Variants in SPON2 observed in about 807,000 individuals in gnomAD.
SPON2 encodes the protein spondin 2, also known as spondin-2.
In SPON2, 32 loss-of-function variants were observed where a neutral mutation model predicts 29.9. That is an observed-to-expected ratio of 1.07 (90% CI 0.81 to 1.44). The LOEUF is 1.44. Ranked by LOEUF, SPON2 falls within the 40% of genes most tolerant of loss-of-function variation. SPON2 has a pLI of 0.00. For missense variants in SPON2, 541 were observed against 455.5 expected (o/e 1.19, Z -1.71); for synonymous variants, 248 against 209.1 (o/e 1.19, Z -1.61).
At chr4:1,183,110 G>A (rs1263064043) in intron 1 of SPON2, among the ~76,000 whole-genome samples, 1 of 152,002 alleles carries the variant, frequency 6.6e-6, no homozygotes, top group Non-Finnish European at 1.5e-5. Flanking sequence ...GTGTGGTGGT[G>A]CATGCCTGTA....
intron 1 of SPON2, among the ~76,000 whole-genome samples, chr4:1,185,372 G>A (rs1459846733): frequency 6.6e-6 from 1 of 150,446 alleles, no homozygotes; most frequent in Non-Finnish European, 1.5e-5. Flanking sequence ...CACCATGCCC[G>A]GCCAGAATAG....
intron 1 of SPON2, among the ~76,000 whole-genome samples, chr4:1,207,643 C>T (rs959891887): frequency 6.9e-6 from 1 of 144,564 alleles, no homozygotes; most frequent in African/African-American, 2.6e-5. Context: ...CCAGAGGGTC[C>T]GGCTGCCTAA....
chr4:1,187,898 T>C (rs1727834633), intron 1 of SPON2, among the ~76,000 whole-genome samples: 1 of 152,106 alleles, frequency 6.6e-6, no homozygotes, highest in Admixed American at 6.6e-5. Flanking sequence ...CAATTTTTTA[T>C]TGTAATAAAA....
At position 1,170,355 on chromosome 4, in the gene SPON2, A is replaced by T. The variant is rs774628941; in HGVS notation, c.811+47T>A. On this transcript the variant is annotated intron_variant, in intron 5 of 5. Transcript: ENST00000290902. ...TCGGGTTTGGTGGTCGCCCTGTGGC[A>T]GGGTTCGGGGCTGCTGTGTGTCCCA... 1.9e-6 allele frequency: 3 copies of T among 1,569,868 alleles called. No homozygotes were observed. In the African/African-American group the frequency reaches 4.1e-5, roughly 22 times the overall value.
chr4:1,167,390 G>C lies in SPON2; in HGVS notation c.*82C>G. ...GCAGCGCGAAACCCCCTGTGCCCTC[G>C]GCCGCCTGCAGCATGAGCCTGCACA... On this transcript the variant is annotated 3_prime_UTR_variant, in exon 6 of 6. Coordinates refer to ENST00000290902, the MANE Select transcript of SPON2 (RefSeq NM_012445.4). 1 of 1,431,024 alleles carries C rather than the reference G, an allele frequency of 7.0e-7. No homozygotes were observed. Among genetic ancestry groups the C allele is most frequent in the Non-Finnish European group, 9.5e-7 (1 of 1,054,154 alleles). 88.6% of individuals were successfully genotyped at this position (1,431,024 alleles called of 1,614,324 possible).
At chr4:1,200,863 C>G in intron 1 of SPON2, 1 of 456,754 alleles carries the variant, frequency 2.2e-6, no homozygotes, top group South Asian at 1.5e-5. Flanking sequence ...CTCAATGCCA[C>G]CAACCAGGCC....
At chr4:1,177,802 C>T (rs143710463), upstream of SPON2, among the ~76,000 whole-genome samples, 101 of 152,288 alleles carry the variant, frequency 6.6e-4, no homozygotes, top group Non-Finnish European at 7.1e-4. Flanking sequence ...CAGCATGGAG[C>T]TCCTGGCCAC....
In SPON2 at chr4:1,171,162, C is replaced by A; in HGVS notation, c.473G>T (p.Ser158Ile). Residue 158 changes from serine (S) to isoleucine (I), a missense_variant, in exon 4 of 6, where the codon AGC becomes ATC. Physicochemically the swap from Ser to Ile is moderately radical, Grantham distance 142. Transcript: ENST00000290902. Reference protein sequence around the residue: ...LVSFVVRIVPSPDWFVGVDSL... With the variant: ...LVSFVVRIVPIPDWFVGVDSL... ...GTCCACGCCCACGAACCAGTCGGGG[C>A]TGGGCACGATGCGCACCACAAACGA... is the stretch of plus-strand genomic sequence containing the variant. The A allele has an allele frequency of 6.5e-7, 1 of 1,550,374 alleles. No homozygotes were observed.
At chr4:1,169,641 T>C (rs1281164534) in intron 5 of SPON2, 1 of 152,164 alleles carries the variant, frequency 6.6e-6, no homozygotes, top group Non-Finnish European at 1.5e-5. Flanking sequence ...GCCAGCAACA[T>C]GGAGGGTGGA....
In SPON2 at chr4:1,167,587, CCACAGTGGCCTCCG is replaced by C; in HGVS notation, c.867_880del (p.Cys289TrpfsTer31). 2 of 1,613,552 alleles carry C rather than the reference CCACAGTGGCCTCCG, an allele frequency of 1.2e-6. No individual in the cohort carries two copies. Among genetic ancestry groups the C allele is most frequent in the Non-Finnish European group, 1.7e-6 (2 of 1,179,974 alleles). ...AGTCCTGCTCTTGGTCCCGAGCCTC[CCACAGTGGCCTCCG>C]CACAGTCCCCAGGACGACCACAGGG... is the stretch of plus-strand genomic sequence containing the variant. On this transcript the variant is annotated frameshift_variant, in exon 6 of 6. Coordinates refer to ENST00000290902, the MANE Select transcript of SPON2 (RefSeq NM_012445.4). LOFTEE classifies it high-confidence loss of function.
intron 1 of SPON2, among the ~76,000 whole-genome samples, chr4:1,188,100 A>G (rs1051985536): frequency 1.3e-5 from 2 of 150,618 alleles, no homozygotes; most frequent in African/African-American, 4.9e-5. Flanking sequence ...AATCCCAGCT[A>G]CTCAGGAGGC....
chr4:1,200,724 G>C lies in SPON2; in HGVS notation c.-234+7156C>G, dbSNP rs368776247. 1.2e-3 allele frequency: 524 copies of C among 436,792 alleles called. 2 individuals carry two copies. Among genetic ancestry groups the C allele is most frequent in the African/African-American group, 9.2e-3 (461 of 49,886 alleles). The allele number at this position is 436,792 out of a possible 1,614,324, so 27.1% of individuals were successfully genotyped here. ...CCCATCTGCGTGGACATCGCTGGAC[G>C]GGGTGGTAAGGGGGAGGGGAGCAGC... On this transcript the variant is annotated intron_variant, in intron 1 of 3. Coordinates refer to the SPON2 transcript ENST00000509233.
At chr4:1,190,096 A>G (rs1033362080) in intron 1 of SPON2, among the ~76,000 whole-genome samples, 3 of 152,108 alleles carry the variant, frequency 2.0e-5, no homozygotes, top group Admixed American at 2.0e-4. Context: ...AATGAAATAG[A>G]AGACATTACT....
At chr4:1,190,842 C>T (rs1001664089) in intron 1 of SPON2, among the ~76,000 whole-genome samples, 5 of 152,170 alleles carry the variant, frequency 3.3e-5, no homozygotes, top group South Asian at 4.1e-4. Flanking sequence ...ATTAAGAAAA[C>T]GATTCCATTT....
chr4:1,189,466 G>A (rs1727862333), intron 1 of SPON2, among the ~76,000 whole-genome samples: 5 of 150,950 alleles, frequency 3.3e-5, no homozygotes, highest in South Asian at 2.1e-4. Context: ...AGACCAGCAG[G>A]GGCAAACGGT....
rs1281801179 is a variant in SPON2 at position 1,202,064 on chromosome 4, C to G, written c.-234+5816G>C. 6.6e-6 allele frequency among the ~76,000 whole-genome samples: 1 copy of G among 152,228 alleles called. No individual in the cohort carries two copies. Among genetic ancestry groups the G allele is most frequent in the Admixed American group, 6.5e-5 (1 of 15,292 alleles). ...TCATCTCACTCCGGAACACGTTCAT[C>G]ATCCGCAGAAGACGTCCTGTGCCTG... On this transcript the variant is annotated intron_variant, in intron 1 of 3. Coordinates refer to the SPON2 transcript ENST00000509233. This position sits in a 1 kb window ranked among gnomAD's most constrained non-coding sequence, Gnocchi z 5.4.
At chr4:1,171,763 C>T in intron 2 of SPON2, 89 bp downstream of exon 2, 1 of 966,802 alleles carries the variant, frequency 1.0e-6, no homozygotes, top group South Asian at 1.3e-5. Flanking sequence ...ACGCCCCAGA[C>T]TGGGAAGCGC....
chr4:1,206,172 G>C (rs2108684803), intron 1 of SPON2, among the ~76,000 whole-genome samples: 1 of 152,322 alleles, frequency 6.6e-6, no homozygotes, highest in East Asian at 1.9e-4. Flanking sequence ...TGAACAGGAG[G>C]ATGCCCCCCT....
chr4:1,196,338 A>G (rs568993431), upstream of SPON2, among the ~76,000 whole-genome samples: 1 of 152,238 alleles, frequency 6.6e-6, no homozygotes, highest in African/African-American at 2.4e-5. Flanking sequence ...TCTGTCTGAC[A>G]GCATAGGGGT....
Sources: gnomAD v4.1 joint callset for allele counts (sites outside exome capture counted in the v4.1 genomes callset) on GRCh38, gnomAD v4.1.1 for gene constraint, Gnocchi (gnomAD v3.1) non-coding constraint, MANE v1.5 for transcripts, NCBI Gene and HGNC (gene_info 2026-07-23, HGNC 2026-07-21) for gene names.